PDGFD: variants seen among roughly 807,000 people sequenced by gnomAD.
PDGFD encodes platelet-derived growth factor D.
A neutral mutation model predicts 44.7 loss-of-function variants in PDGFD; 30 were observed. That is an observed-to-expected ratio of 0.67 (90% CI 0.50 to 0.91). The LOEUF (loss-of-function observed/expected upper bound fraction) is 0.91. Ranked by LOEUF, PDGFD falls within the 40% of genes least tolerant of loss-of-function variation. The pLI is 0.00. For missense variants in PDGFD, 445 were observed against 457.8 expected (o/e 0.97, Z 0.25); for synonymous variants, 173 against 168.4 (o/e 1.03, Z -0.21).
intron 1 of PDGFD, among the ~76,000 whole-genome samples, chr11:104,110,862 C>G (rs1307450326): frequency 6.6e-6 from 1 of 152,038 alleles, no homozygotes; most frequent in Non-Finnish European, 1.5e-5. Context: ...TAACTGAAAT[C>G]TCAGGATAAA....
chr11:104,103,729 A>G (rs1454259662), intron 1 of PDGFD, among the ~76,000 whole-genome samples: 3 of 151,976 alleles, frequency 2.0e-5, no homozygotes, highest in Non-Finnish European at 2.9e-5. Context: ...TTTGTGGTGA[A>G]GCTGGTGTAA....
In PDGFD at chr11:103,950,667, C is replaced by A. The variant is rs143260611; in HGVS notation, c.511-2943G>T. Among the ~76,000 whole-genome samples the A allele has an allele frequency of 2.5e-3, 385 of 152,216 alleles. 1 individual carries two copies. Among genetic ancestry groups the A allele is most frequent in the African/African-American group, 8.6e-3 (356 of 41,538 alleles). On this transcript the variant is annotated intron_variant, in intron 3 of 6. Transcript: ENST00000393158. ...TACCCATTTTCTGGCAAAGCTAAGG[C>A]CACCAAAGCTCATTTCTAAGTAGAA...
At chr11:104,104,194 T>A (rs1269671541) in intron 1 of PDGFD, among the ~76,000 whole-genome samples, 6 of 152,198 alleles carry the variant, frequency 3.9e-5, no homozygotes, top group Non-Finnish European at 8.8e-5. Flanking sequence ...TACATCTGTA[T>A]AATGTGTTTG....
chr11:104,141,422 G>C (rs886226408), intron 1 of PDGFD, among the ~76,000 whole-genome samples: 4 of 149,914 alleles, frequency 2.7e-5, no homozygotes, highest in African/African-American at 7.4e-5. Flanking sequence ...TTTAGAGTCA[G>C]GATCTTGCCC....
chr11:103,959,618 T>C (rs1326842561), intron 3 of PDGFD, among the ~76,000 whole-genome samples: 2 of 152,208 alleles, frequency 1.3e-5, no homozygotes, highest in African/African-American at 2.4e-5. Context: ...TTAGGTGAAC[T>C]TGTTGGAACT....
In PDGFD at chr11:103,989,349, T is replaced by G. The variant is rs571933069; in HGVS notation, c.510+6716A>C. 3.3e-5 allele frequency among the ~76,000 whole-genome samples: 5 copies of G among 152,280 alleles called. No homozygotes were observed. In the South Asian group the frequency reaches 6.2e-4, roughly 19 times the overall value. ...ACAGCAAGAATCTGTTCTTAAAGAATGTGTGCTTCAACCAGTATCCATGGA... is the reference window on the plus strand; with the variant it reads ...ACAGCAAGAATCTGTTCTTAAAGAAGGTGTGCTTCAACCAGTATCCATGGA... On this transcript the variant is annotated intron_variant, in intron 3 of 6. Transcript: ENST00000393158.
chr11:104,096,167 TG>T (rs1861284048), intron 1 of PDGFD, among the ~76,000 whole-genome samples: 1 of 152,196 alleles, frequency 6.6e-6, no homozygotes, highest in Admixed American at 6.6e-5. Flanking sequence ...TTGAAGTTTA[TG>T]AGCTGCAATT....
At chr11:103,998,064 G>A (rs1244194252) in intron 2 of PDGFD, among the ~76,000 whole-genome samples, 1 of 152,194 alleles carries the variant, frequency 6.6e-6, no homozygotes, top group Non-Finnish European at 1.5e-5. Flanking sequence ...CTCCAGCTCA[G>A]TAGTGGAGAC....
At chr11:104,098,612 G>T (rs1861320053) in intron 1 of PDGFD, among the ~76,000 whole-genome samples, 1 of 151,160 alleles carries the variant, frequency 6.6e-6, no homozygotes, top group African/African-American at 2.4e-5. Flanking sequence ...AGCCTCAAGA[G>T]ATCCTCCTGC....
intron 1 of PDGFD, among the ~76,000 whole-genome samples, chr11:104,025,296 G>A (rs766551366): frequency 6.6e-6 from 1 of 152,178 alleles, no homozygotes; most frequent in Non-Finnish European, 1.5e-5. Context: ...ATGGAACCTT[G>A]ACCCAGGCAT....
intron 1 of PDGFD, among the ~76,000 whole-genome samples, chr11:104,159,847 T>C (rs977935428): frequency 1.3e-5 from 2 of 152,162 alleles, no homozygotes; most frequent in Admixed American, 6.5e-5. Context: ...CTCCACTACA[T>C]AGTACACAGA....
chr11:103,918,371 T>G (rs1022094200), intron 6 of PDGFD, among the ~76,000 whole-genome samples: 6 of 152,190 alleles, frequency 3.9e-5, no homozygotes, highest in African/African-American at 1.4e-4. Context: ...ATTTGAGAAC[T>G]AGGGGATGCA....
chr11:104,063,454 T>A (rs113889209), intron 1 of PDGFD, among the ~76,000 whole-genome samples: 11 of 152,144 alleles, frequency 7.2e-5, no homozygotes, highest in African/African-American at 2.6e-4. Flanking sequence ...AACTTTAAAA[T>A]CAGAGTGGAT....
intron 5 of PDGFD, among the ~76,000 whole-genome samples, chr11:103,939,292 T>C (rs1005406843): frequency 5.3e-5 from 8 of 152,210 alleles, no homozygotes; most frequent in Admixed American, 3.3e-4. Context: ...GTTGGATTCC[T>C]AGGTATTTTA....
At chr11:104,017,640 G>A (rs1331953032) in intron 1 of PDGFD, among the ~76,000 whole-genome samples, 3 of 152,128 alleles carry the variant, frequency 2.0e-5, no homozygotes, top group Non-Finnish European at 2.9e-5. Context: ...AGAGATGTAG[G>A]AGTCTTGATC....
chr11:104,054,915 T>C (rs1208720234), intron 1 of PDGFD, among the ~76,000 whole-genome samples: 2 of 152,196 alleles, frequency 1.3e-5, no homozygotes, highest in African/African-American at 4.8e-5. Context: ...GCGGAGCAAT[T>C]ACCTTAACCT....
chr11:103,996,245 C>A lies in PDGFD; in HGVS notation c.330G>T (p.Arg110Ser). The A allele has an allele frequency of 6.2e-7, 1 of 1,605,540 alleles. No homozygotes were observed. The highest frequency in any genetic ancestry group is 8.5e-7 in the Non-Finnish European group (1 of 1,175,554). ...TATCTTCAACTTCCACAAAATCATA[C>A]CTAGAATCAATTGGACATAATGAAC... ...GLEEAENDICRYDFVEVEDIS... is the reference protein window; with the variant it reads ...GLEEAENDICSYDFVEVEDIS... The change falls in exon 3 of 7, where the codon AGG becomes AGT. Residue 110 changes from arginine (R) to serine (S), a missense_variant and splice_region_variant. By Grantham distance (110) the Arg-to-Ser change is moderately radical. Transcript: ENST00000393158.
At chr11:103,922,011 A>G (rs1417570656) in intron 6 of PDGFD, among the ~76,000 whole-genome samples, 1 of 151,916 alleles carries the variant, frequency 6.6e-6, no homozygotes, top group Non-Finnish European at 1.5e-5. Flanking sequence ...AGGAAGATCT[A>G]TTAGACAGTG....
intron 1 of PDGFD, among the ~76,000 whole-genome samples, chr11:104,082,934 G>C (rs1861067776): frequency 6.6e-6 from 1 of 152,118 alleles, no homozygotes; most frequent in South Asian, 2.1e-4. Flanking sequence ...TAAGTTTTAA[G>C]AACATCCTAT....
Sources: allele counts gnomAD v4.1 joint callset (sites outside exome capture counted in the v4.1 genomes callset), GRCh38; gene constraint gnomAD v4.1.1; transcripts MANE v1.5; gene names NCBI Gene and HGNC (gene_info 2026-07-23, HGNC 2026-07-21).